Variants in ELFN2 observed in about 807,000 individuals in gnomAD.
ELFN2 encodes extracellular leucine rich repeat and fibronectin type III domain containing 2, also known as protein phosphatase 1 regulatory subunit 29.
ELFN2 carries 17 observed loss-of-function variants against 45.5 expected under a neutral mutation model. That is an observed-to-expected ratio of 0.37 (90% confidence interval 0.26 to 0.56). The LOEUF (loss-of-function observed/expected upper bound fraction) is 0.56, where lower values mean the gene tolerates loss of function less well. ELFN2 is among the 20% of genes least tolerant of loss of function. ELFN2 has a pLI of 0.77. For synonymous variants in ELFN2, 550 were observed against 551.5 expected (o/e 1.00, Z 0.04); for missense variants, 922 against 1,183.2 (o/e 0.78, Z 3.24).
chr22:37,403,135 T>C (rs1006327379), intron 2 of ELFN2, among the ~76,000 whole-genome samples: 2 of 151,786 alleles, frequency 1.3e-5, no homozygotes, highest in Non-Finnish European at 2.9e-5. Flanking sequence ...CATTCTTCCC[T>C]CTCTCACCAA....
At chr22:37,361,887 C>T (rs1188026408) in intron 1 of ELFN2, among the ~76,000 whole-genome samples, 2 of 152,206 alleles carry the variant, frequency 1.3e-5, no homozygotes, top group South Asian at 4.1e-4. Flanking sequence ...ATAGGACACC[C>T]TCTTCTCGCC....
intron 1 of ELFN2, among the ~76,000 whole-genome samples, chr22:37,422,941 C>CT (rs1416852744): frequency 2.4e-5 from 1 of 40,938 alleles, no homozygotes; most frequent in Non-Finnish European, 4.2e-5. Context: ...GAAACTGGGC[C>CT]TCGGGGGGGG....
At chr22:37,399,711 C>T (rs1022675814) in intron 2 of ELFN2, among the ~76,000 whole-genome samples, 3 of 152,032 alleles carry the variant, frequency 2.0e-5, no homozygotes, top group South Asian at 4.2e-4. Flanking sequence ...CCCCCTGCGT[C>T]GCACACCTGG....
At chr22:37,348,481 G>T (rs1471789947) in intron 1 of ELFN2, among the ~76,000 whole-genome samples, 2 of 150,840 alleles carry the variant, frequency 1.3e-5, no homozygotes, top group East Asian at 3.8e-4. Flanking sequence ...CAGGGCCCCA[G>T]ATCAGGGAGG....
At position 37,377,599 on chromosome 22, in the gene ELFN2, A is replaced by G. The variant is rs556603641; in HGVS notation, c.-462-1603T>C. Among the ~76,000 whole-genome samples, 9 of 152,366 alleles carry G rather than the reference A, an allele frequency of 5.9e-5. No homozygotes were observed. In the South Asian group the frequency reaches 1.9e-3, roughly 32 times the overall value. On this transcript the variant is annotated intron_variant, in intron 2 of 2. Transcript: ENST00000402918. Reference sequence around the variant, plus strand: ...TGAGGGGTCGGGGGTTAATCCCACAAGAAGTCCGAGGTGGGGATGGTGATA... The same window carrying G: ...TGAGGGGTCGGGGGTTAATCCCACAGGAAGTCCGAGGTGGGGATGGTGATA...
chr22:37,424,757 C>T (rs1054803073), intron 1 of ELFN2, among the ~76,000 whole-genome samples: 5 of 152,118 alleles, frequency 3.3e-5, no homozygotes, highest in Non-Finnish European at 7.4e-5. Flanking sequence ...GTCAAATATC[C>T]ACATAATAGT....
intron 1 of ELFN2, among the ~76,000 whole-genome samples, chr22:37,351,788 G>T (rs1018809): frequency 1.3e-5 from 2 of 150,868 alleles, no homozygotes; most frequent in Admixed American, 6.6e-5. Context: ...GAGGGCTGCC[G>T]CGGGGTCACT....
chr22:37,346,101 T>G lies in ELFN2; in HGVS notation n.149-3398A>C, dbSNP rs114869239. Reference sequence around the variant, plus strand: ...ACGGGATGATAACACCGGCTTGAGGTTGATGTGAGAATTAAGGGAGATAAT... The same window carrying G: ...ACGGGATGATAACACCGGCTTGAGGGTGATGTGAGAATTAAGGGAGATAAT... On this transcript the variant is annotated intron_variant and non_coding_transcript_variant, in intron 1 of 2. Coordinates refer to ENST00000452946, the Ensembl canonical transcript of ELFN2. Among the ~76,000 whole-genome samples, 560 of 152,286 alleles carry G rather than the reference T, an allele frequency of 3.7e-3. 3 individuals are homozygous for G. Among genetic ancestry groups the G allele is most frequent in the African/African-American group, 0.013 (542 of 41,556 alleles).
chr22:37,355,962 T>C (rs1419471975), intron 1 of ELFN2, among the ~76,000 whole-genome samples: 3 of 152,218 alleles, frequency 2.0e-5, no homozygotes, highest in African/African-American at 7.2e-5. Context: ...GAAGAAATAA[T>C]GTGTTTCATC....
rs1931366053 is a variant in ELFN2, at chr22:37,371,487, A to C, written c.*1585T>G. 6.6e-6 allele frequency: 1 copy of C among 152,236 alleles called. No individual in the cohort carries two copies. The highest frequency in any genetic ancestry group is 6.5e-5 in the Admixed American group (1 of 15,286). The allele number at this position is 152,236 out of a possible 1,614,324, so 9.4% of individuals were successfully genotyped here. A position where few individuals can be genotyped will look rare whatever the true frequency, so the allele number is the denominator to read the frequency against. ...CACCCCGCTGGGCCAGCTCCCACCC[A>C]GAGGTGAAGGATGATGGACTCCGGC... On this transcript the variant is annotated 3_prime_UTR_variant, in exon 3 of 3. Transcript: ENST00000402918. The surrounding 1 kb of genome is among the most constrained non-coding windows in gnomAD (Gnocchi z 6.4).
At chr22:37,382,568 CAG>C in intron 2 of ELFN2, among the ~76,000 whole-genome samples, 1 of 77,826 alleles carries the variant, frequency 1.3e-5, no homozygotes, top group South Asian at 4.2e-4. Flanking sequence ...TTTTTAAAAA[CAG>C]ACTCTAGCTA....
At chr22:37,392,307 T>TGTTG (rs1392545939) in intron 2 of ELFN2, among the ~76,000 whole-genome samples, 2 of 148,310 alleles carry the variant, frequency 1.3e-5, no homozygotes, top group African/African-American at 5.0e-5. Context: ...TTTGTTTGTT[T>TGTTG]GTTGGATTCT....
chr22:37,394,894 G>A (rs1261344840), intron 2 of ELFN2, among the ~76,000 whole-genome samples: 2 of 152,042 alleles, frequency 1.3e-5, no homozygotes, highest in African/African-American at 4.8e-5. Context: ...CACGAGGTCA[G>A]GAGTTCGAGA....
chr22:37,409,968 C>T (rs1334214685), intron 2 of ELFN2, among the ~76,000 whole-genome samples: 1 of 152,180 alleles, frequency 6.6e-6, no homozygotes, highest in Admixed American at 6.5e-5. Flanking sequence ...GCTGTGCACG[C>T]CGAGAGCATG....
intron 1 of ELFN2, among the ~76,000 whole-genome samples, chr22:37,361,392 A>AC (rs1197071846): frequency 1.2e-5 from 1 of 80,910 alleles, no homozygotes; most frequent in Non-Finnish European, 2.5e-5. Flanking sequence ...CCTTCCTCCC[A>AC]CCCCCAGGAG....
At chr22:37,415,862 C>G (rs1932754930) in intron 2 of ELFN2, among the ~76,000 whole-genome samples, 1 of 152,208 alleles carries the variant, frequency 6.6e-6, no homozygotes, top group Non-Finnish European at 1.5e-5. Flanking sequence ...CTCAAGGAGG[C>G]TGAAGCAGGA....
chr22:37,399,350 G>A (rs1932302656), intron 2 of ELFN2, among the ~76,000 whole-genome samples: 1 of 152,054 alleles, frequency 6.6e-6, no homozygotes, highest in Admixed American at 6.6e-5. Context: ...CTGAGGGCAG[G>A]GACTCTTTTC....
At chr22:37,392,632 T>C (rs555959781) in intron 2 of ELFN2, among the ~76,000 whole-genome samples, 7 of 152,322 alleles carry the variant, frequency 4.6e-5, no homozygotes, top group Admixed American at 2.0e-4. Context: ...CCAGGTATTA[T>C]TTTTATGCCC....
intron 1 of ELFN2, among the ~76,000 whole-genome samples, chr22:37,424,910 G>A (rs1932836726): frequency 6.6e-6 from 1 of 152,054 alleles, no homozygotes; most frequent in South Asian, 2.1e-4. Context: ...GAGCTCACGT[G>A]GACTGAGCCC....
Sources: gnomAD v4.1 joint callset for allele counts (sites outside exome capture counted in the v4.1 genomes callset) on GRCh38, gnomAD v4.1.1 for gene constraint, Gnocchi (gnomAD v3.1) non-coding constraint, MANE v1.5 for transcripts, NCBI Gene and HGNC (gene_info 2026-07-23, HGNC 2026-07-21) for gene names.